EVC: variants seen among roughly 807,000 people sequenced by gnomAD.
The protein encoded by EVC is evC complex member EVC.
EVC carries 116 observed loss-of-function variants against 118.9 expected under a neutral mutation model. That is an observed-to-expected ratio of 0.98 (90% CI 0.84 to 1.14). The LOEUF is 1.14. EVC is among the 50% of genes most tolerant of loss of function. The pLI is 0.00. For synonymous variants in EVC, 619 were observed against 534.7 expected (o/e 1.16, Z -2.18); for missense variants, 1,401 against 1,246.4 (o/e 1.12, Z -1.87).
intron 2 of EVC, among the ~76,000 whole-genome samples, chr4:5,720,411 G>C (rs1313279586): frequency 6.6e-6 from 1 of 152,202 alleles, no homozygotes; most frequent in Non-Finnish European, 1.5e-5. Flanking sequence ...GAGTAGCCAA[G>C]CTGATATTTG....
intron 12 of EVC, among the ~76,000 whole-genome samples, chr4:5,791,949 T>G (rs1712867738): frequency 6.6e-6 from 1 of 152,184 alleles, no homozygotes. Flanking sequence ...CTGCATCAAG[T>G]GATAACCCAA....
At chr4:5,775,342 G>T (rs1734562855) in intron 11 of EVC, among the ~76,000 whole-genome samples, 1 of 152,128 alleles carries the variant, frequency 6.6e-6, no homozygotes, top group African/African-American at 2.4e-5. Context: ...GCAAGAAAGA[G>T]AATGTAGCTG....
At chr4:5,736,333 G>C (rs1397547932) in intron 5 of EVC, among the ~76,000 whole-genome samples, 1 of 152,094 alleles carries the variant, frequency 6.6e-6, no homozygotes, top group African/African-American at 2.4e-5. Flanking sequence ...ATAAAGATGG[G>C]TGAAAACTGA....
intron 11 of EVC, chr4:5,758,267 T>C: frequency 1.0e-5 from 6 of 602,296 alleles, no homozygotes; most frequent in African/African-American, 1.9e-5. Flanking sequence ...TTCATACTAA[T>C]GCCCTCCGGA....
At chr4:5,745,165 C>T in intron 6 of EVC, 39 bp from the exon 7 acceptor site, 1 of 1,599,322 alleles carries the variant, frequency 6.3e-7, no homozygotes, top group Non-Finnish European at 8.5e-7. Context: ...TAAACTTTTT[C>T]TTTGTTTATT....
At position 5,743,256 on chromosome 4, in the gene EVC, A is replaced by T. The variant is rs1728875872; in HGVS notation, c.801+1442A>T. Among the ~76,000 whole-genome samples the T allele has an allele frequency of 6.6e-6, 1 of 152,018 alleles. No individual in the cohort carries two copies. Among genetic ancestry groups the T allele is most frequent in the African/African-American group, 2.4e-5 (1 of 41,390 alleles). ...CTTCACTTTATCCTGTCTGGACCAG[A>T]TCCCATTTTGATCAGCAGGGTTGTG... On this transcript the variant is annotated intron_variant, in intron 6 of 20. Transcript: ENST00000264956. This position sits in a 1 kb window ranked among gnomAD's most constrained non-coding sequence, Gnocchi z 4.7.
chr4:5,711,475 T>TGCTGCTGGGCGCCGC lies in EVC; in HGVS notation c.99_113dup (p.Leu34_Leu38dup), dbSNP rs1229967881. ...GCGCCCGCCCTGCTGGCCCCCGCCG[T>TGCTGCTGGGCGCCGC]GCTGCTGGGCGCCGCGCTCGGCCTC... On this transcript the variant is annotated inframe_insertion, in exon 1 of 21. Transcript: ENST00000264956. 10 of 1,083,388 alleles carry TGCTGCTGGGCGCCGC rather than the reference T, an allele frequency of 9.2e-6. No homozygotes were observed. In the South Asian group the frequency reaches 3.8e-4, roughly 42 times the overall value. 67.1% of individuals were successfully genotyped at this position (1,083,388 alleles called of 1,614,324 possible).
In EVC at chr4:5,719,177, G is replaced by T; in HGVS notation, c.175-71G>T. 4 of 1,606,520 alleles carry T rather than the reference G, an allele frequency of 2.5e-6. No individual in the cohort carries two copies. The highest frequency in any genetic ancestry group is 3.4e-6 in the Non-Finnish European group (4 of 1,174,434). ...GGGGAGTTGACTGGCAAAAGTCACG[G>T]TGGGGACCAGGCCGACTGACCTCAA... On this transcript the variant is annotated intron_variant, in intron 1 of 20. Transcript: ENST00000264956. The surrounding 1 kb of genome is among the most constrained non-coding windows in gnomAD (Gnocchi z 4.7).
downstream of EVC, among the ~76,000 whole-genome samples, chr4:5,816,206 CAT>C: frequency 6.6e-6 from 1 of 152,304 alleles, no homozygotes; most frequent in Admixed American, 6.5e-5. Context: ...TGCCCACCGA[CAT>C]AGCCTGCAGT....
chr4:5,746,455 A>G lies in EVC; in HGVS notation c.939+1114A>G, dbSNP rs936236389. Among the ~76,000 whole-genome samples the G allele has an allele frequency of 2.0e-5, 3 of 152,222 alleles. No individual in the cohort carries two copies. Among genetic ancestry groups the G allele is most frequent in the African/African-American group, 7.2e-5 (3 of 41,464 alleles). ...ATAAGCGCCCCAGAGCAAGATGCTCATGGGAGGGAGGGAGCCAATGCTCCT... is the reference window on the plus strand; with the variant it reads ...ATAAGCGCCCCAGAGCAAGATGCTCGTGGGAGGGAGGGAGCCAATGCTCCT... On this transcript the variant is annotated intron_variant, in intron 7 of 20. Transcript: ENST00000264956. The surrounding 1 kb of genome is among the most constrained non-coding windows in gnomAD (Gnocchi z 5.8).
In EVC at chr4:5,748,500, C is replaced by T. The variant is rs13116719; in HGVS notation, c.1098+194C>T. 0.39 allele frequency among the ~76,000 whole-genome samples: 56,045 copies of T among 143,072 alleles called. 11,515 individuals carry two copies. The highest frequency in any genetic ancestry group is 0.62 in the East Asian group (3,053 of 4,940). 93.9% of individuals were successfully genotyped at this position (143,072 alleles called of 152,430 possible). ...TTTATCCATCCATCCACCCATCCAT[C>T]CACCCATTGACCCTTCCATCCATCC... On this transcript the variant is annotated intron_variant, in intron 8 of 20. Coordinates refer to ENST00000264956, the MANE Select transcript of EVC (RefSeq NM_153717.3).
At chr4:5,718,876 C>T (rs1724446090) in intron 1 of EVC, among the ~76,000 whole-genome samples, 1 of 152,160 alleles carries the variant, frequency 6.6e-6, no homozygotes, top group Admixed American at 6.5e-5. Context: ...ATGCATGTGC[C>T]ATTTCTCATG....
intron 11 of EVC, among the ~76,000 whole-genome samples, chr4:5,760,249 C>G (rs1196511830): frequency 1.3e-5 from 2 of 152,046 alleles, no homozygotes; most frequent in Non-Finnish European, 2.9e-5. Context: ...CCAGCGGGTG[C>G]TGGTAACTAC....
Position 5,719,268 on chromosome 4 carries a change from G to T in EVC, c.195G>T (p.Leu65=), listed in dbSNP as rs1381076913. 1 of 1,614,126 alleles carries T rather than the reference G, an allele frequency of 6.2e-7. No individual in the cohort carries two copies. Among genetic ancestry groups the T allele is most frequent in the East Asian group, 2.2e-5 (1 of 44,878 alleles). ...TTTAGAAAGACGACACTCAAAATCT[G>T]CTCAAGAATTTGGAGTCTAATGCGC... is the stretch of plus-strand genomic sequence containing the variant. ...TRHQKDDTQN[L]LKNLESNAQT... is the part of the protein sequence containing the mutation. The change falls in exon 2 of 21, where the codon CTG becomes CTT. Residue 65 remains leucine, a synonymous_variant. Coordinates refer to ENST00000264956, the MANE Select transcript of EVC (RefSeq NM_153717.3). The surrounding 1 kb of genome is among the most constrained non-coding windows in gnomAD (Gnocchi z 4.7).
Position 5,798,578 on chromosome 4 carries a change from C to G in EVC, c.2098-8C>G. 1 of 1,556,024 alleles carries G rather than the reference C, an allele frequency of 6.4e-7. No individual in the cohort carries two copies. Among genetic ancestry groups the G allele is most frequent in the African/African-American group, 1.4e-5 (1 of 73,516 alleles). On this transcript the variant is annotated splice_region_variant and splice_polypyrimidine_tract_variant and intron_variant, in intron 14 of 20. Transcript: ENST00000264956. The surrounding 1 kb of genome is among the most constrained non-coding windows in gnomAD (Gnocchi z 4.1). ...CTTGGCCCCTGCTCCCAGTCCTTTC[C>G]CTCCCAGGAGGCGCGTGTGCTGGAG...
At chr4:5,761,507 G>C (rs116075991) in intron 11 of EVC, among the ~76,000 whole-genome samples, 7,665 of 148,664 alleles carry the variant, frequency 0.052, 256 homozygotes, top group South Asian at 0.069. Context: ...GGGGGCGGGG[G>C]GTGGTTGGGG....
intron 11 of EVC, among the ~76,000 whole-genome samples, chr4:5,771,991 A>G (rs1734054178): frequency 1.3e-5 from 2 of 151,898 alleles, no homozygotes; most frequent in African/African-American, 4.8e-5. Context: ...TCCATCTCCC[A>G]GGTTCACGCC....
the EVC span, chr4:5,828,643 C>T: frequency 6.2e-7 from 1 of 1,614,094 alleles, no homozygotes; most frequent in East Asian, 2.2e-5. Flanking sequence ...GCACTCCATA[C>T]CCTCGAAGAT....
chr4:5,756,427 A>G lies in EVC; in HGVS notation c.1563+65A>G. ...GTCTGTGTGTGTGCGAGAACCTCAC[A>G]TCCTCCTGGCTGGGGACCCCAGAGG... On this transcript the variant is annotated intron_variant, in intron 11 of 20. Coordinates refer to ENST00000264956, the MANE Select transcript of EVC (RefSeq NM_153717.3). The surrounding 1 kb of genome is among the most constrained non-coding windows in gnomAD (Gnocchi z 4.2). 6.4e-6 allele frequency: 9 copies of G among 1,407,082 alleles called. No homozygotes were observed. In the Admixed American group the frequency reaches 1.4e-4, roughly 21 times the overall value. 87.2% of individuals were successfully genotyped at this position (1,407,082 alleles called of 1,614,324 possible).
Sources: allele counts gnomAD v4.1 joint callset (sites outside exome capture counted in the v4.1 genomes callset), GRCh38; gene constraint gnomAD v4.1.1; non-coding constraint Gnocchi (gnomAD v3.1); transcripts MANE v1.5; gene names NCBI Gene and HGNC (gene_info 2026-07-23, HGNC 2026-07-21).